Variants in SLC25A43 observed in about 807,000 individuals in gnomAD.
The protein encoded by SLC25A43 is solute carrier family 25, member 43.
A neutral mutation model predicts 22.8 loss-of-function variants in SLC25A43; 10 were observed. The observed-to-expected ratio is 0.44, with a 90% CI of 0.27 to 0.74. The LOEUF is 0.74. Ranked by LOEUF, SLC25A43 falls within the 30% of genes least tolerant of loss-of-function variation. The pLI is 0.17. For missense variants in SLC25A43, 233 were observed against 279.1 expected, an observed-to-expected ratio of 0.83 and a Z score of 1.18; for synonymous variants, 106 against 121.6, an observed-to-expected ratio of 0.87 and a Z score of 0.84.
chrX:119,431,963 G>A (rs1203236158), intron 3 of SLC25A43, among the ~76,000 whole-genome samples: 1 of 110,380 alleles, frequency 9.1e-6, no homozygotes, highest in Admixed American at 9.7e-5. Flanking sequence ...AGACCAGCCT[G>A]GCCAACATGG....
chrX:119,416,195 A>AC (rs2052399853), intron 3 of SLC25A43, among the ~76,000 whole-genome samples: 2 of 108,677 alleles, frequency 1.8e-5, no homozygotes, highest in African/African-American at 3.4e-5. Flanking sequence ...TATCTTAATG[A>AC]CCATAACTTT....
At chrX:119,450,827 T>C (rs1310528753) in intron 3 of SLC25A43, among the ~76,000 whole-genome samples, 1 of 112,478 alleles carries the variant, frequency 8.9e-6, no homozygotes, top group African/African-American at 3.2e-5. Context: ...TATATGTAGA[T>C]GGTATATTGA....
chrX:119,413,959 T>C (rs754097217), intron 3 of SLC25A43, among the ~76,000 whole-genome samples: 32 of 111,756 alleles, frequency 2.9e-4, no homozygotes, highest in Admixed American at 9.6e-4. Context: ...AATTGACTTA[T>C]AGGTCACAAA....
At chrX:119,424,692 GC>G (rs2052487734) in intron 3 of SLC25A43, among the ~76,000 whole-genome samples, 1 of 112,685 alleles carries the variant, frequency 8.9e-6, no homozygotes, top group Non-Finnish European at 1.9e-5. Flanking sequence ...CGTTCAGGCT[GC>G]AATAACAAAA....
intron 1 of SLC25A43, among the ~76,000 whole-genome samples, chrX:119,404,578 C>T (rs1407404227): frequency 2.7e-5 from 3 of 111,442 alleles, no homozygotes; most frequent in East Asian, 2.8e-4. Flanking sequence ...CCTGTCCTCT[C>T]GGGTTTTTAT....
At chrX:119,428,049 C>T (rs2052522620) in intron 3 of SLC25A43, among the ~76,000 whole-genome samples, 1 of 112,314 alleles carries the variant, frequency 8.9e-6, no homozygotes, top group Admixed American at 9.5e-5. Context: ...CTGTATCTTT[C>T]CAAAGATGGT....
chrX:119,424,575 C>T (rs899626922), intron 3 of SLC25A43, among the ~76,000 whole-genome samples: 5 of 111,529 alleles, frequency 4.5e-5, no homozygotes, highest in African/African-American at 9.8e-5. Context: ...GATGAGGGAG[C>T]GGGAAAGCAA....
chrX:119,420,442 C>T (rs2052442286), intron 3 of SLC25A43, among the ~76,000 whole-genome samples: 1 of 110,776 alleles, frequency 9.0e-6, no homozygotes, highest in Non-Finnish European at 1.9e-5. Context: ...GGACCACAGG[C>T]ATGCGCCACC....
At chrX:119,414,853 TTCTC>T (rs1408101128) in intron 3 of SLC25A43, among the ~76,000 whole-genome samples, 1 of 108,804 alleles carries the variant, frequency 9.2e-6, no homozygotes, top group Admixed American at 9.9e-5. Flanking sequence ...GCTCAGGTGA[TTCTC>T]TCACCTCAGC....
intron 3 of SLC25A43, chrX:119,423,076 G>A (rs2052468453): frequency 9.0e-6 from 1 of 111,431 alleles, no homozygotes; most frequent in Non-Finnish European, 1.9e-5. Context: ...TCGGCCCTGT[G>A]AAACCTGTGG....
chrX:119,421,601 C>T (rs750752903), intron 3 of SLC25A43, among the ~76,000 whole-genome samples: 1 of 112,052 alleles, frequency 8.9e-6, no homozygotes, highest in Non-Finnish European at 1.9e-5. Context: ...AAAGGCTCAA[C>T]TGAGGTTTGT....
Position 119,454,220 on chromosome X carries a change from C to T in SLC25A43, c.*1155C>T, listed in dbSNP as rs1453678243. 2 of 112,452 alleles carry T rather than the reference C, an allele frequency of 1.8e-5. No homozygotes were observed. Among genetic ancestry groups the T allele is most frequent in the African/African-American group, 3.2e-5 (1 of 30,900 alleles). 9.3% of individuals were successfully genotyped at this position (112,452 alleles called of 1,213,427 possible). On this transcript the variant is annotated 3_prime_UTR_variant, in exon 5 of 5. Transcript: ENST00000217909. ...GACACACATACTCAAAAAAATGTAA[C>T]TGACTATAAACACTTTAACCTAATC... is the stretch of plus-strand genomic sequence containing the variant.
intron 3 of SLC25A43, among the ~76,000 whole-genome samples, chrX:119,433,317 C>G (rs1044236977): frequency 9.0e-6 from 1 of 111,398 alleles, no homozygotes; most frequent in African/African-American, 3.3e-5. Context: ...AAGGCCCTCA[C>G]TGATTGGAGG....
At chrX:119,433,255 G>A (rs1267080300) in intron 3 of SLC25A43, among the ~76,000 whole-genome samples, 1 of 111,919 alleles carries the variant, frequency 8.9e-6, no homozygotes, top group Non-Finnish European at 1.9e-5. Flanking sequence ...TCTGAAGGGA[G>A]TCTGCTGGCA....
chrX:119,435,145 A>G (rs766589142), intron 3 of SLC25A43, among the ~76,000 whole-genome samples: 1 of 111,327 alleles, frequency 9.0e-6, no homozygotes, highest in East Asian at 2.8e-4. Flanking sequence ...AACTTAAAAA[A>G]TATTTTTTTA....
intron 1 of SLC25A43, among the ~76,000 whole-genome samples, chrX:119,402,900 G>GA (rs1459579525): frequency 3.6e-5 from 4 of 111,312 alleles, no homozygotes; most frequent in African/African-American, 9.8e-5. Context: ...AGAAGTCTGC[G>GA]AAAAAAGGAC....
intron 3 of SLC25A43, among the ~76,000 whole-genome samples, chrX:119,435,168 A>T (rs2052590865): frequency 9.0e-6 from 1 of 111,132 alleles, no homozygotes; most frequent in Non-Finnish European, 1.9e-5. Context: ...AAAAGAAAAA[A>T]ATCGGTGGGC....
intron 3 of SLC25A43, among the ~76,000 whole-genome samples, chrX:119,419,558 A>G (rs2052435748): frequency 9.0e-6 from 1 of 111,220 alleles, no homozygotes; most frequent in Non-Finnish European, 1.9e-5. Context: ...CAGGGTGCTC[A>G]TCCCCTCTTG....
At chrX:119,409,627 T>A (rs1456793642) in intron 2 of SLC25A43, among the ~76,000 whole-genome samples, 1 of 109,340 alleles carries the variant, frequency 9.1e-6, no homozygotes, top group African/African-American at 3.3e-5. Context: ...TATGGTTCTT[T>A]TTTTTGAGAT....
Sources: gnomAD v4.1 joint callset for allele counts (sites outside exome capture counted in the v4.1 genomes callset) on GRCh38, gnomAD v4.1.1 for gene constraint, MANE v1.5 for transcripts, NCBI Gene and HGNC (gene_info 2026-07-23, HGNC 2026-07-21) for gene names.